DLGAP1: variants seen among roughly 807,000 people sequenced by gnomAD.
The protein encoded by DLGAP1 is DLG associated protein 1, also known as disks large-associated protein 1.
In DLGAP1, 11 loss-of-function variants were observed where a neutral mutation model predicts 90.8. The ratio of observed to expected loss-of-function variants is 0.12; its 90% CI spans 0.08 to 0.20. The LOEUF is 0.20. Ranked by LOEUF, DLGAP1 falls within the 10% of genes least tolerant of loss-of-function variation. The pLI is 1.00. For synonymous variants in DLGAP1, 558 were observed against 540.7 expected, an observed-to-expected ratio of 1.03 and a Z score of -0.44; for missense variants, 1,050 against 1,333.8, an observed-to-expected ratio of 0.79 and a Z score of 3.31.
chr18:4,264,243 C>G (rs2079059367), intron 1 of DLGAP1, among the ~76,000 whole-genome samples: 2 of 152,164 alleles, frequency 1.3e-5, no homozygotes, highest in Non-Finnish European at 2.9e-5. Flanking sequence ...CATCCATTTG[C>G]TCTAAACATT....
intron 1 of DLGAP1, among the ~76,000 whole-genome samples, chr18:4,303,222 T>C (rs1424473508): frequency 3.9e-5 from 6 of 152,214 alleles, no homozygotes; most frequent in African/African-American, 1.4e-4. Flanking sequence ...ATGTGTGGCT[T>C]CTGTTAATTT....
chr18:4,097,207 C>A (rs1479412164), intron 2 of DLGAP1, among the ~76,000 whole-genome samples: 2 of 152,212 alleles, frequency 1.3e-5, no homozygotes, highest in Non-Finnish European at 2.9e-5. Context: ...TCGTCCCAAC[C>A]TCTCACTAGT....
Position 4,234,754 on chromosome 18 carries a change from G to C in DLGAP1, c.-266-83467C>G, listed in dbSNP as rs138638104. ...TATATACTATGTCAACTCTCTACAA[G>C]TCTCAGCATCAACTCTCACTACACC... On this transcript the variant is annotated intron_variant, in intron 1 of 12. Transcript: ENST00000315677. 3.3e-3 allele frequency among the ~76,000 whole-genome samples: 496 copies of C among 152,190 alleles called. 3 individuals are homozygous for C. Among genetic ancestry groups the C allele is most frequent in the African/African-American group, 0.01 (433 of 41,518 alleles).
At chr18:4,045,215 G>T (rs1377617522) in intron 2 of DLGAP1, among the ~76,000 whole-genome samples, 2 of 151,580 alleles carry the variant, frequency 1.3e-5, no homozygotes, top group Non-Finnish European at 2.9e-5. Context: ...CTTGCCTTAG[G>T]AGCCATCCAT....
intron 11 of DLGAP1, among the ~76,000 whole-genome samples, chr18:3,507,098 C>T (rs2050270751): frequency 6.6e-6 from 1 of 151,938 alleles, no homozygotes; most frequent in Non-Finnish European, 1.5e-5. Flanking sequence ...ATGGAGACTA[C>T]CACCTTTTCC....
chr18:3,575,905 T>A (rs1568226338), intron 8 of DLGAP1, among the ~76,000 whole-genome samples: 1 of 152,118 alleles, frequency 6.6e-6, no homozygotes, highest in Non-Finnish European at 1.5e-5. Flanking sequence ...TGCCACAAGG[T>A]GCTCCCATAA....
At chr18:4,389,992 A>T (rs2082308821) in intron 1 of DLGAP1, among the ~76,000 whole-genome samples, 1 of 152,188 alleles carries the variant, frequency 6.6e-6, no homozygotes, top group Non-Finnish European at 1.5e-5. Flanking sequence ...CATCAGCTAC[A>T]TGTAGGGCAC....
chr18:4,220,326 A>G lies in DLGAP1; in HGVS notation c.-266-69039T>C, dbSNP rs191549313. On this transcript the variant is annotated intron_variant, in intron 1 of 12. Transcript: ENST00000315677. ...TCCAGTTTAGATTCTATGGCTCATA[A>G]TTTCATTAAGACTCTTGCCAAGAAC... is the stretch of plus-strand genomic sequence containing the variant. Among the ~76,000 whole-genome samples, 276 of 152,146 alleles carry G rather than the reference A, an allele frequency of 1.8e-3. 2 individuals carry two copies. Among genetic ancestry groups the G allele is most frequent in the African/African-American group, 5.2e-3 (214 of 41,530 alleles).
chr18:4,381,128 G>C (rs2082107416), intron 1 of DLGAP1, among the ~76,000 whole-genome samples: 1 of 152,184 alleles, frequency 6.6e-6, no homozygotes, highest in Non-Finnish European at 1.5e-5. Context: ...GGTTGAAATA[G>C]AGATGATGAA....
rs185550301 is a variant in DLGAP1, at chr18:4,219,211, C to T, written c.-266-67924G>A. ...GATATCTCATTGGGGTTTTAATTTG[C>T]GTTTCTCTAATGATTAGGATAATAA... On this transcript the variant is annotated intron_variant, in intron 1 of 12. Transcript: ENST00000315677. Among the ~76,000 whole-genome samples the T allele has an allele frequency of 1.7e-3, 265 of 151,660 alleles. 2 individuals carry two copies. The highest frequency in any genetic ancestry group is 4.9e-3 in the African/African-American group (203 of 41,390).
At chr18:4,314,720 G>C (rs1237581776) in intron 1 of DLGAP1, among the ~76,000 whole-genome samples, 1 of 152,134 alleles carries the variant, frequency 6.6e-6, no homozygotes, top group East Asian at 1.9e-4. Context: ...AAGACATCCA[G>C]AAAACAAGAC....
chr18:3,871,346 G>T (rs1476029526), intron 4 of DLGAP1, among the ~76,000 whole-genome samples: 1 of 152,128 alleles, frequency 6.6e-6, no homozygotes, highest in African/African-American at 2.4e-5. Context: ...TACACCAGAT[G>T]ACCTTCTGAT....
In DLGAP1 at chr18:3,847,228, C is replaced by A. The variant is rs1450344211; in HGVS notation, c.957+31884G>T. Among the ~76,000 whole-genome samples, 6 of 151,962 alleles carry A rather than the reference C, an allele frequency of 3.9e-5. No homozygotes were observed. In the East Asian group the frequency reaches 1.2e-3, roughly 29 times the overall value. ...AGATGTTATAAAATTATTAATTTGC[C>A]AAAAGAACGTTGTCATATGTTTATA... On this transcript the variant is annotated intron_variant, in intron 4 of 12. Coordinates refer to ENST00000315677, the MANE Select transcript of DLGAP1 (RefSeq NM_004746.4).
At chr18:4,417,232 A>T (rs983983370) in intron 1 of DLGAP1, among the ~76,000 whole-genome samples, 14 of 152,204 alleles carry the variant, frequency 9.2e-5, no homozygotes, top group Admixed American at 6.5e-4. Context: ...GAAATCAGGC[A>T]GTAAACAGAT....
At chr18:4,445,884 A>G (rs1450025989) in intron 1 of DLGAP1, among the ~76,000 whole-genome samples, 2 of 152,062 alleles carry the variant, frequency 1.3e-5, no homozygotes, top group Non-Finnish European at 2.9e-5. Context: ...TGAAGGATAC[A>G]AAGGACATTA....
rs2049790104 is a variant in DLGAP1 at position 3,499,033 on chromosome 18, G to T, written c.*152C>A. 1 of 656,948 alleles carries T rather than the reference G, an allele frequency of 1.5e-6. No homozygotes were observed. Among genetic ancestry groups the T allele is most frequent in the Non-Finnish European group, 2.5e-6 (1 of 406,480 alleles). 40.7% of individuals were successfully genotyped at this position (656,948 alleles called of 1,614,324 possible). A position where few individuals can be genotyped will look rare whatever the true frequency, so the allele number is the denominator to read the frequency against. On this transcript the variant is annotated 3_prime_UTR_variant, in exon 13 of 13. Coordinates refer to ENST00000315677, the MANE Select transcript of DLGAP1 (RefSeq NM_004746.4). The surrounding 1 kb of genome is among the most constrained non-coding windows in gnomAD (Gnocchi z 6.4). ...TGGGGGGCTGAGGGGGGCCCGGGGG[G>T]CGGCTCCTGCGAGGTGGACAACTAC...
rs2073258193 is a variant in DLGAP1, at chr18:3,963,747, C to A, written c.-73+41369G>T. ...TCCCTCACCAAGGCTGTAGGTGTATCTTCTATGGGATCTCTAGTGTAAGCC... is the reference window on the plus strand; with the variant it reads ...TCCCTCACCAAGGCTGTAGGTGTATATTCTATGGGATCTCTAGTGTAAGCC... On this transcript the variant is annotated intron_variant, in intron 3 of 12. Transcript: ENST00000315677. 2.6e-5 allele frequency among the ~76,000 whole-genome samples: 4 copies of A among 152,070 alleles called. No homozygotes were observed. In the South Asian group the frequency reaches 8.3e-4, roughly 32 times the overall value.
intron 11 of DLGAP1, among the ~76,000 whole-genome samples, chr18:3,504,592 C>T (rs778871367): frequency 4.6e-5 from 7 of 151,998 alleles, no homozygotes; most frequent in Non-Finnish European, 8.8e-5. Flanking sequence ...CACATTGTTG[C>T]TCAGGCTGGT....
intron 4 of DLGAP1, among the ~76,000 whole-genome samples, chr18:3,869,445 A>G (rs3745049): frequency 0.24 from 36,517 of 152,166 alleles, 5,115 homozygotes; most frequent in South Asian, 0.34. Context: ...AGTCCCAGCT[A>G]CGCTGAAGGG....
Sources: gnomAD v4.1 joint callset for allele counts (sites outside exome capture counted in the v4.1 genomes callset) on GRCh38, gnomAD v4.1.1 for gene constraint, Gnocchi (gnomAD v3.1) non-coding constraint, MANE v1.5 for transcripts, NCBI Gene and HGNC (gene_info 2026-07-23, HGNC 2026-07-21) for gene names.